Variants in HAX1 observed in about 807,000 individuals in gnomAD.
HAX1 encodes HCLS1 associated protein X-1.
HAX1 carries 27 observed loss-of-function variants against 31.1 expected under a neutral mutation model. The observed-to-expected ratio is 0.87, with a 90% CI of 0.64 to 1.20. The LOEUF (loss-of-function observed/expected upper bound fraction) is 1.20. Ranked by LOEUF, HAX1 falls within the 50% of genes most tolerant of loss-of-function variation. The pLI, the probability that HAX1 is intolerant of heterozygous loss-of-function variation, is 0.00. For synonymous variants in HAX1, 114 were observed against 124.1 expected (o/e 0.92, Z 0.54); for missense variants, 357 against 361.6 (o/e 0.99, Z 0.10).
rs758051381 is a variant in HAX1, at chr1:154,273,934, C to A, written c.477C>A (p.Asp159Glu). The A allele has an allele frequency of 1.2e-6, 2 of 1,614,150 alleles. No individual in the cohort carries two copies. Among genetic ancestry groups the A allele is most frequent in the African/African-American group, 2.7e-5 (2 of 75,034 alleles). The change falls in exon 3 of 7, where the codon GAC becomes GAA. Residue 159 changes from aspartate to glutamate, a missense_variant. Coordinates refer to ENST00000328703, the MANE Select transcript of HAX1 (RefSeq NM_006118.4). ...ARSESPQPAP[D>E]WGSQRPFHRF... Reference sequence around the variant, plus strand: ...GTGAATCCCCCCAACCAGCACCAGACTGGGGCTCCCAGAGGCCATTTCATA... The same window carrying A: ...GTGAATCCCCCCAACCAGCACCAGAATGGGGCTCCCAGAGGCCATTTCATA...
chr1:154,273,991 A>C (rs1420497525), intron 3 of HAX1, 30 bp downstream of exon 3: 1 of 1,573,904 alleles, frequency 6.4e-7, no homozygotes, highest in Non-Finnish European at 8.7e-7. Flanking sequence ...CTGAAGTGAG[A>C]GCTTGTGAGA....
intron 1 of HAX1, 89 bp downstream of exon 1, chr1:154,272,865 C>T: frequency 1.8e-6 from 2 of 1,126,448 alleles, no homozygotes; most frequent in Non-Finnish European, 1.3e-6. Flanking sequence ...CATCCTCTGT[C>T]CCACTCCTTC....
At position 154,272,634 on chromosome 1, in the gene HAX1, C is replaced by T. The variant is rs923656755; in HGVS notation, c.-90C>T. On this transcript the variant is annotated 5_prime_UTR_variant, in exon 1 of 7. Transcript: ENST00000328703. The stretch of plus-strand genomic sequence containing the variant: ...GCTTTCCGGTAGCGTGGGCTGACGC[C>T]TCGCTCAATTTCTCACAGGGCTGCG... 2.2e-6 allele frequency: 3 copies of T among 1,361,904 alleles called. No individual in the cohort carries two copies. The highest frequency in any genetic ancestry group is 1.8e-5 in the Admixed American group (1 of 55,266). 84.4% of individuals were successfully genotyped at this position (1,361,904 alleles called of 1,614,324 possible).
chr1:154,273,309 T>C (rs1311829479), intron 1 of HAX1, 27 bp from the exon 2 acceptor site: 2 of 1,613,558 alleles, frequency 1.2e-6, no homozygotes, highest in Non-Finnish European at 1.7e-6. Flanking sequence ...GCTGAAATAT[T>C]GGTGGCCAAT....
At chr1:154,274,102 G>A in intron 3 of HAX1, 141 bp downstream of exon 3, 1 of 746,528 alleles carries the variant, frequency 1.3e-6, no homozygotes, top group South Asian at 1.5e-5. Flanking sequence ...GAGGTCAGGA[G>A]TTGGAGACCA....
At chr1:154,273,622 A>G (rs769751533) in intron 2 of HAX1, 24 bp downstream of exon 2, 2 of 1,612,978 alleles carry the variant, frequency 1.2e-6, no homozygotes, top group East Asian at 4.5e-5. Flanking sequence ...CCTAAGGGGC[A>G]ACCTGTGGTT....
At chr1:154,273,101 CTG>C in intron 1 of HAX1, 1 of 579,506 alleles carries the variant, frequency 1.7e-6, no homozygotes, top group African/African-American at 2.0e-5. Context: ...TGAAGAAAAA[CTG>C]GGGGAAGGTG....
At chr1:154,273,270 C>T in intron 1 of HAX1, 66 bp from the exon 2 acceptor site, 1 of 1,606,752 alleles carries the variant, frequency 6.2e-7, no homozygotes. Flanking sequence ...ACTTTGCCAC[C>T]CATGAGTTGA....
rs557303995 is a variant in HAX1, at chr1:154,274,372, T to C, written c.504+411T>C. The stretch of plus-strand genomic sequence containing the variant: ...AAGTGATTCTCCTGCCTCAGCCTCC[T>C]GAGTAGCTGGGATTACAGTCGCCTG... On this transcript the variant is annotated intron_variant, in intron 3 of 6. Transcript: ENST00000328703. Among the ~76,000 whole-genome samples, 15 of 152,212 alleles carry C rather than the reference T, an allele frequency of 9.9e-5. No homozygotes were observed. In the South Asian group the frequency reaches 3.1e-3, roughly 32 times the overall value.
rs757928766 is a variant in HAX1 at position 154,273,385 on chromosome 1, GAGGA to G, written c.106_109del (p.Glu36LysfsTer48). 1.7e-5 allele frequency: 28 copies of G among 1,613,858 alleles called. No individual in the cohort carries two copies. The highest frequency in any genetic ancestry group is 2.4e-5 in the Non-Finnish European group (28 of 1,179,956). The stretch of plus-strand genomic sequence containing the variant: ...GATGACTCGAGATGAAGATGATGAT[GAGGA>G]AGAAGAAGAAGAAGGGGGCTCATGG... On this transcript the variant is annotated frameshift_variant, in exon 2 of 7. Transcript: ENST00000328703. LOFTEE classifies it high-confidence loss of function.
chr1:154,273,207 C>T lies in HAX1; in HGVS notation c.54-129C>T, dbSNP rs889207277. 47 of 957,138 alleles carry T rather than the reference C, an allele frequency of 4.9e-5. No individual in the cohort carries two copies. In the African/African-American group the frequency reaches 7.2e-4, roughly 15 times the overall value. The allele number at this position is 957,138 out of a possible 1,614,324, so 59.3% of individuals were successfully genotyped here. On this transcript the variant is annotated intron_variant, in intron 1 of 6. Coordinates refer to ENST00000328703, the MANE Select transcript of HAX1 (RefSeq NM_006118.4). ...CCATTGTATTAATGTTTTGATGTGGCAGCCAGTCCTCCGACCCTCTCCCTA... is the reference window on the plus strand; with the variant it reads ...CCATTGTATTAATGTTTTGATGTGGTAGCCAGTCCTCCGACCCTCTCCCTA...
Position 154,273,410 on chromosome 1 carries a change from C to T in HAX1, c.128C>T (p.Ser43Leu). The change falls in exon 2 of 7, where the codon TCA becomes TTA. Residue 43 changes from serine to leucine, a missense_variant. Ser to Leu is a moderately radical substitution (Grantham distance 145, BLOSUM62 -2). Transcript: ENST00000328703. ...DDEEEEEEGG[S>L]WGRGNPRFHS... ...GAGGAAGAAGAAGAAGAAGGGGGCT[C>T]ATGGGGCCGTGGGAACCCAAGGTTC... is the stretch of plus-strand genomic sequence containing the variant. 3.1e-6 allele frequency: 5 copies of T among 1,614,030 alleles called. No individual in the cohort carries two copies. The highest frequency in any genetic ancestry group is 3.4e-6 in the Non-Finnish European group (4 of 1,179,914).
rs1684862228 is a variant in HAX1, at chr1:154,273,436, C to T, written c.154C>T (p.His52Tyr). ...ATGGGGCCGTGGGAACCCAAGGTTC[C>T]ATAGTCCTCAGCACCCCCCTGAGGA... ...GSWGRGNPRF[H>Y]SPQHPPEEFG... The change falls in exon 2 of 7, where the codon CAT (histidine) becomes TAT (tyrosine). Residue 52 changes from histidine to tyrosine, a missense_variant. Coordinates refer to ENST00000328703, the MANE Select transcript of HAX1 (RefSeq NM_006118.4). 6.2e-7 allele frequency: 1 copy of T among 1,614,140 alleles called. No homozygotes were observed. The highest frequency in any genetic ancestry group is 2.2e-5 in the East Asian group (1 of 44,888).
chr1:154,273,273 T>G (rs1305556483), intron 1 of HAX1, 63 bp from the exon 2 acceptor site: 41 of 1,606,820 alleles, frequency 2.6e-5, no homozygotes, highest in Non-Finnish European at 3.1e-5. Flanking sequence ...TTGCCACCCA[T>G]GAGTTGATTT....
chr1:154,275,137 T>C lies in HAX1; in HGVS notation c.557-17T>C, dbSNP rs768742603. ...GGACTCTTTCTCTCCTGCTTCTTCATCTCTCTGCTCTTCCAGATCTTGATT... is the reference window on the plus strand; with the variant it reads ...GGACTCTTTCTCTCCTGCTTCTTCACCTCTCTGCTCTTCCAGATCTTGATT... On this transcript the variant is annotated splice_polypyrimidine_tract_variant and intron_variant, in intron 4 of 6. Transcript: ENST00000328703. 6.4e-7 allele frequency: 1 copy of C among 1,560,194 alleles called. No homozygotes were observed. The highest frequency in any genetic ancestry group is 1.1e-5 in the South Asian group (1 of 89,986).
At chr1:154,275,594 C>T (rs1297964152) in intron 6 of HAX1, 22 bp from the exon 7 acceptor site, 3 of 1,597,570 alleles carry the variant, frequency 1.9e-6, no homozygotes, top group South Asian at 1.1e-5. Flanking sequence ...AGCCTATTTA[C>T]GTGTATGACT....
At position 154,273,488 on chromosome 1, in the gene HAX1, C is replaced by G. The variant is rs370342620; in HGVS notation, c.206C>G (p.Pro69Arg). ...TTTGGCTTCGGCTTCAGCTTCAGCC[C>G]AGGAGGAGGGATACGTTTCCACGAT... The part of the protein sequence containing the change: ...EEFGFGFSFS[P>R]GGGIRFHDNF... The change falls in exon 2 of 7, where the codon CCA becomes CGA. Residue 69 changes from proline (P) to arginine (R), a missense_variant. Coordinates refer to ENST00000328703, the MANE Select transcript of HAX1 (RefSeq NM_006118.4). 15 of 1,613,992 alleles carry G rather than the reference C, an allele frequency of 9.3e-6. No homozygotes were observed. The highest frequency in any genetic ancestry group is 1.3e-5 in the Non-Finnish European group (15 of 1,180,008).
Position 154,275,816 on chromosome 1 carries a change from T to C in HAX1, c.*115T>C, listed in dbSNP as rs1684921687. 1 of 744,932 alleles carries C rather than the reference T, an allele frequency of 1.3e-6. No individual in the cohort carries two copies. The highest frequency in any genetic ancestry group is 1.7e-5 in the African/African-American group (1 of 57,688). The allele number at this position is 744,932 out of a possible 1,614,324, so 46.1% of individuals were successfully genotyped here. A position where few individuals can be genotyped will look rare whatever the true frequency, so the allele number is the denominator to read the frequency against. On this transcript the variant is annotated 3_prime_UTR_variant, in exon 7 of 7. Coordinates refer to ENST00000328703, the MANE Select transcript of HAX1 (RefSeq NM_006118.4). ...GGCTTGGATATGTGGAATAGTGAAC[T>C]GGGGCCATGTCAGTTTGTCACTCAC...
intron 4 of HAX1, 49 bp from the exon 5 acceptor site, chr1:154,275,105 T>C (rs1163268490): frequency 6.8e-7 from 1 of 1,471,402 alleles, no homozygotes; most frequent in Admixed American, 1.7e-5. Flanking sequence ...GTCTCCTTTT[T>C]TCCTTTGGAC....
Sources: gnomAD v4.1 joint callset for allele counts (sites outside exome capture counted in the v4.1 genomes callset) on GRCh38, gnomAD v4.1.1 for gene constraint, MANE v1.5 for transcripts, NCBI Gene and HGNC (gene_info 2026-07-23, HGNC 2026-07-21) for gene names.